The following SLC12A8 variants were observed in gnomAD, a reference collection of about 807,000 sequenced individuals.
SLC12A8 encodes the protein cation-chloride cotransporter 9.
A neutral mutation model predicts 75.6 loss-of-function variants in SLC12A8; 69 were observed. The observed-to-expected ratio is 0.91, with a 90% CI of 0.75 to 1.11. SLC12A8 has a LOEUF of 1.11. SLC12A8 is among the 50% of genes most tolerant of loss of function. SLC12A8 has a pLI of 0.00. For synonymous variants in SLC12A8, 365 were observed against 372.8 expected (o/e 0.98, Z 0.24); for missense variants, 877 against 896.7 (o/e 0.98, Z 0.28).
Position 125,107,616 on chromosome 3 carries a change from G to A in SLC12A8, c.1570C>T (p.Pro524Ser). The A allele has an allele frequency of 1.2e-6, 2 of 1,614,204 alleles. No homozygotes were observed. The highest frequency in any genetic ancestry group is 1.6e-4 in the Middle Eastern group (1 of 6,062). The change falls in exon 10 of 14, where the codon CCC becomes TCC. Residue 524 changes from proline (P) to serine (S), a missense_variant. Coordinates refer to ENST00000469902, the MANE Select transcript of SLC12A8 (RefSeq NM_024628.6). ...TCCTGCCCCTCCCAGGAGGCAGCGG[G>A]CAACCTGTCAGAGATCTCGACAGGG... Reference protein sequence around the residue: ...SFPVEISDRLPAASWEGQESC... With the variant: ...SFPVEISDRLSAASWEGQESC...
intron 5 of SLC12A8, among the ~76,000 whole-genome samples, chr3:125,160,240 A>C (rs919894901): frequency 6.6e-6 from 1 of 152,206 alleles, no homozygotes; most frequent in African/African-American, 2.4e-5. Context: ...CACCGCACCC[A>C]GTGCGACTTG....
intron 10 of SLC12A8, among the ~76,000 whole-genome samples, chr3:125,101,196 A>G (rs1243009497): frequency 2.0e-5 from 3 of 152,188 alleles, no homozygotes; most frequent in Non-Finnish European, 2.9e-5. Context: ...TCCTATCATG[A>G]GCAAGTGTTT....
At chr3:125,205,131 C>G (rs1935201774) in intron 2 of SLC12A8, among the ~76,000 whole-genome samples, 1 of 152,132 alleles carries the variant, frequency 6.6e-6, no homozygotes, top group African/African-American at 2.4e-5. Context: ...TAGAATTGTT[C>G]AAACTGCCAG....
chr3:125,194,594 TCAAA>T (rs894998053), intron 2 of SLC12A8, among the ~76,000 whole-genome samples: 3 of 152,184 alleles, frequency 2.0e-5, no homozygotes, highest in African/African-American at 7.2e-5. Flanking sequence ...GCCTTTTGCC[TCAAA>T]CAGTCACCAG....
chr3:125,184,789 G>A (rs1158837544), intron 4 of SLC12A8, among the ~76,000 whole-genome samples: 1 of 151,544 alleles, frequency 6.6e-6, no homozygotes, highest in African/African-American at 2.4e-5. Flanking sequence ...ATCAATAAAG[G>A]TCAGAGCAGA....
At chr3:125,102,304 G>C (rs1024388335) in intron 10 of SLC12A8, among the ~76,000 whole-genome samples, 4 of 152,170 alleles carry the variant, frequency 2.6e-5, no homozygotes, top group African/African-American at 7.2e-5. Context: ...AGAACATGGT[G>C]TGTTTAGGAC....
At chr3:125,163,481 C>A (rs1330692508) in intron 5 of SLC12A8, among the ~76,000 whole-genome samples, 1 of 151,584 alleles carries the variant, frequency 6.6e-6, no homozygotes, top group Non-Finnish European at 1.5e-5. Context: ...CGCCTGTAGT[C>A]CCAGCTACTT....
intron 3 of SLC12A8, among the ~76,000 whole-genome samples, chr3:125,189,749 C>T (rs1445650825): frequency 2.0e-5 from 3 of 152,218 alleles, no homozygotes; most frequent in African/African-American, 7.2e-5. Context: ...CATGAGATGG[C>T]ACTGTGTGTG....
chr3:125,111,437 C>T (rs1199825097), intron 8 of SLC12A8, among the ~76,000 whole-genome samples: 1 of 152,216 alleles, frequency 6.6e-6, no homozygotes, highest in Non-Finnish European at 1.5e-5. Flanking sequence ...CATGAATTCA[C>T]CCTCCTGGGC....
rs762058008 is a variant in SLC12A8 at position 125,120,719 on chromosome 3, C to T, written c.737-33G>A. On this transcript the variant is annotated intron_variant, in intron 6 of 13. Transcript: ENST00000469902. ...ACACCCAGATGGGGAATGGGGTGAGCAGCCTCCTCCACGCATCGCCTTCCC... is the reference window on the plus strand; with the variant it reads ...ACACCCAGATGGGGAATGGGGTGAGTAGCCTCCTCCACGCATCGCCTTCCC... 7.2e-6 allele frequency: 11 copies of T among 1,529,178 alleles called. No homozygotes were observed. The South Asian group carries it at 1.1e-4, about 16-fold the overall frequency. The allele number at this position is 1,529,178 out of a possible 1,614,324, so 94.7% of individuals were successfully genotyped here. A position where few individuals can be genotyped will look rare whatever the true frequency, so the allele number is the denominator to read the frequency against.
intron 13 of SLC12A8, chr3:125,088,078 T>G: frequency 1.9e-6 from 1 of 533,750 alleles, no homozygotes; most frequent in South Asian, 2.7e-5. Flanking sequence ...TGACTGAGGA[T>G]AAGAAGGGAA....
intron 5 of SLC12A8, among the ~76,000 whole-genome samples, chr3:125,143,415 G>GA (rs1451812964): frequency 6.6e-6 from 1 of 152,280 alleles, no homozygotes; most frequent in Non-Finnish European, 1.5e-5. Context: ...GGCCCCCAAA[G>GA]AGTCCTGGGC....
chr3:125,112,668 C>T (rs989760014), intron 8 of SLC12A8, among the ~76,000 whole-genome samples: 2 of 152,166 alleles, frequency 1.3e-5, no homozygotes, highest in Admixed American at 6.5e-5. Context: ...GATCATTCAT[C>T]GATAACCTTT....
chr3:125,082,650 T>C lies in SLC12A8; in HGVS notation c.*1240A>G, dbSNP rs536387135. 1.3e-5 allele frequency: 2 copies of C among 152,356 alleles called. No individual in the cohort carries two copies. Among genetic ancestry groups the C allele is most frequent in the East Asian group, 3.9e-4 (2 of 5,190 alleles). 9.4% of individuals were successfully genotyped at this position (152,356 alleles called of 1,614,324 possible). ...ATGAGTCACCATTAGGCAATTCATG[T>C]TAATTCTTTAATTAAAAAGACCCTC... On this transcript the variant is annotated 3_prime_UTR_variant, in exon 14 of 14. Transcript: ENST00000469902.
chr3:125,192,412 G>T (rs1579537842), intron 2 of SLC12A8, among the ~76,000 whole-genome samples: 2 of 152,144 alleles, frequency 1.3e-5, no homozygotes, highest in East Asian at 3.9e-4. Context: ...TGCCCTTTTT[G>T]CCCCTAAATT....
At chr3:125,164,849 C>T (rs770618452) in intron 5 of SLC12A8, among the ~76,000 whole-genome samples, 1 of 152,220 alleles carries the variant, frequency 6.6e-6, no homozygotes, top group African/African-American at 2.4e-5. Context: ...CTGATTTACT[C>T]GGTCTGGGGT....
At chr3:125,103,025 G>C (rs376267638) in intron 10 of SLC12A8, among the ~76,000 whole-genome samples, 1 of 152,158 alleles carries the variant, frequency 6.6e-6, no homozygotes, top group African/African-American at 2.4e-5. Context: ...CCTTTTCTCT[G>C]CCTATGAAGC....
intron 5 of SLC12A8, among the ~76,000 whole-genome samples, chr3:125,174,195 TGA>T (rs1365088614): frequency 6.6e-6 from 1 of 152,122 alleles, no homozygotes; most frequent in African/African-American, 2.4e-5. Context: ...TCACCAAAGG[TGA>T]TATACAGATG....
At chr3:125,173,584 T>C (rs554754468) in intron 5 of SLC12A8, among the ~76,000 whole-genome samples, 1 of 152,176 alleles carries the variant, frequency 6.6e-6, no homozygotes, top group South Asian at 2.1e-4. Flanking sequence ...ATCTAGGAGT[T>C]TGGCAAAGAG....
Sources: allele counts gnomAD v4.1 joint callset (sites outside exome capture counted in the v4.1 genomes callset), GRCh38; gene constraint gnomAD v4.1.1; transcripts MANE v1.5; gene names NCBI Gene and HGNC (gene_info 2026-07-23, HGNC 2026-07-21).